DPP6: variants seen among roughly 807,000 people sequenced by gnomAD.
The protein encoded by DPP6 is dipeptidyl peptidase like 6, also known as A-type potassium channel modulatory protein DPP6.
Under a neutral mutation model 122.6 loss-of-function variants are expected in DPP6, and 69 were observed. The observed-to-expected ratio is 0.56, with a 90% confidence interval of 0.46 to 0.69. The LOEUF is 0.69. DPP6 is among the 30% of genes least tolerant of loss of function. The probability of loss-of-function intolerance (pLI) is 0.00; values close to 1 mark genes in which losing one functional copy is unlikely to be tolerated. For missense variants in DPP6, 928 were observed against 1,116.9 expected (o/e 0.83, Z 2.41); for synonymous variants, 418 against 433.1 (o/e 0.97, Z 0.43).
At chr7:154,002,878 A>G (rs1167285940) in intron 1 of DPP6, among the ~76,000 whole-genome samples, 1 of 152,194 alleles carries the variant, frequency 6.6e-6, no homozygotes, top group African/African-American at 2.4e-5. Flanking sequence ...AGAAATACGG[A>G]TGACAGGAAC....
chr7:154,007,677 C>T (rs1384646617), intron 1 of DPP6, among the ~76,000 whole-genome samples: 2 of 152,056 alleles, frequency 1.3e-5, no homozygotes, highest in African/African-American at 4.8e-5. Flanking sequence ...GACAACGCTC[C>T]CTACATCTCA....
chr7:154,201,829 A>G (rs1479648907), intron 1 of DPP6, among the ~76,000 whole-genome samples: 1 of 152,260 alleles, frequency 6.6e-6, no homozygotes, highest in East Asian at 1.9e-4. Flanking sequence ...ACCTAAACAC[A>G]TGTCCTGAAA....
chr7:153,834,867 T>C, the DPP6 span, among the ~76,000 whole-genome samples: 1 of 152,228 alleles, frequency 6.6e-6, no homozygotes, highest in Non-Finnish European at 1.5e-5. Context: ...CGGGTAAATA[T>C]AGCTGGAGCA....
At chr7:154,887,849 T>C in intron 23 of DPP6, 115 bp downstream of exon 23, 1 of 1,226,544 alleles carries the variant, frequency 8.2e-7, no homozygotes, top group East Asian at 2.3e-5. Flanking sequence ...TGCTTCTCCC[T>C]CACCAGCACC....
At chr7:153,897,904 T>G (rs943568092) in intron 1 of DPP6, among the ~76,000 whole-genome samples, 1 of 152,190 alleles carries the variant, frequency 6.6e-6, no homozygotes, top group Non-Finnish European at 1.5e-5. Flanking sequence ...GAGCCATTAG[T>G]GAACTGATAG....
intron 1 of DPP6, among the ~76,000 whole-genome samples, chr7:154,354,285 T>C (rs1811102987): frequency 6.6e-6 from 1 of 152,222 alleles, no homozygotes; most frequent in South Asian, 2.1e-4. Context: ...AGCCAACATT[T>C]CTTGAATATT....
Position 154,181,749 on chromosome 7 carries a change from C to CTT in DPP6, c.243+128704_243+128705dup, listed in dbSNP as rs57576340. ...TGCACTCATGAAAATGCATCTCCCT[C>CTT]TTTTTTTTTTTTTTTTTTTGAGACA... On this transcript the variant is annotated intron_variant, in intron 1 of 25. Coordinates refer to ENST00000377770, the MANE Select transcript of DPP6 (RefSeq NM_130797.4). Among the ~76,000 whole-genome samples, 1,047 of 134,858 alleles carry CTT rather than the reference C, an allele frequency of 7.8e-3. 35 individuals carry two copies. Among genetic ancestry groups the CTT allele is most frequent in the African/African-American group, 0.025 (903 of 36,318 alleles). The allele number at this position is 134,858 out of a possible 152,430, so 88.5% of individuals were successfully genotyped here.
chr7:154,315,066 A>T (rs965781615), intron 1 of DPP6, among the ~76,000 whole-genome samples: 1 of 152,222 alleles, frequency 6.6e-6, no homozygotes, highest in Admixed American at 6.5e-5. Context: ...TCGTTATTTA[A>T]TGAGTTGCTT....
intron 2 of DPP6, among the ~76,000 whole-genome samples, chr7:154,460,053 C>T (rs1208668005): frequency 7.3e-6 from 1 of 137,930 alleles, no homozygotes; most frequent in East Asian, 2.4e-4. Context: ...ATGATCCTAG[C>T]TCACCACAAC....
At chr7:154,173,838 G>A (rs575406538) in intron 1 of DPP6, among the ~76,000 whole-genome samples, 5 of 152,204 alleles carry the variant, frequency 3.3e-5, no homozygotes, top group Non-Finnish European at 7.3e-5. Context: ...AAACCAGTGG[G>A]ACATCCGGGG....
intron 16 of DPP6, among the ~76,000 whole-genome samples, chr7:154,820,943 C>T (rs1222071076): frequency 1.3e-5 from 2 of 152,194 alleles, no homozygotes; most frequent in African/African-American, 2.4e-5. Flanking sequence ...GGCTCAGTGG[C>T]TCATACCTGT....
intron 8 of DPP6, among the ~76,000 whole-genome samples, chr7:154,739,979 TG>T (rs1321602082): frequency 6.6e-6 from 1 of 152,228 alleles, no homozygotes; most frequent in African/African-American, 2.4e-5. Flanking sequence ...GGAAGGCTAT[TG>T]AGTATTTTAA....
At chr7:154,511,284 T>G (rs1249438797) in intron 3 of DPP6, among the ~76,000 whole-genome samples, 2 of 152,056 alleles carry the variant, frequency 1.3e-5, no homozygotes. Flanking sequence ...AGTAACCCAG[T>G]GAAGTAGGTA....
rs550843783 is a variant in DPP6 at position 154,798,162 on chromosome 7, C to G, written c.1299+2279C>G. 2.0e-5 allele frequency among the ~76,000 whole-genome samples: 3 copies of G among 152,376 alleles called. 1 individual carries two copies. In the South Asian group the frequency reaches 6.2e-4, roughly 32 times the overall value. On this transcript the variant is annotated intron_variant, in intron 12 of 25. Coordinates refer to ENST00000377770, the MANE Select transcript of DPP6 (RefSeq NM_130797.4). ...CTCACAGGGGGAGCTGGCTTCCCAG[C>G]TGGCCACCTGCAGTTCTGCCCTCTG...
chr7:154,514,793 A>G (rs941895452), intron 3 of DPP6, among the ~76,000 whole-genome samples: 1 of 152,246 alleles, frequency 6.6e-6, no homozygotes, highest in African/African-American at 2.4e-5. Context: ...ATCTGTCAAT[A>G]GAATCTTGGA....
At chr7:154,317,516 G>A (rs368323111) in intron 1 of DPP6, among the ~76,000 whole-genome samples, 4 of 152,172 alleles carry the variant, frequency 2.6e-5, no homozygotes, top group Non-Finnish European at 5.9e-5. Flanking sequence ...ATGTGTTTGC[G>A]ATGTAGATAC....
intron 1 of DPP6, among the ~76,000 whole-genome samples, chr7:153,914,527 T>C (rs945798507): frequency 9.9e-5 from 15 of 152,196 alleles, no homozygotes; most frequent in African/African-American, 3.1e-4. Flanking sequence ...AATAGCTTTA[T>C]TGAGTTATTG....
intron 8 of DPP6, among the ~76,000 whole-genome samples, chr7:154,736,346 A>C (rs1379010736): frequency 6.6e-6 from 1 of 152,244 alleles, no homozygotes; most frequent in Non-Finnish European, 1.5e-5. Context: ...GCCACTGCTC[A>C]AGCCTGTTGT....
At chr7:154,431,468 TTTCTTTTCTTTTC>T (rs1418987161) in intron 1 of DPP6, among the ~76,000 whole-genome samples, 3 of 15,194 alleles carry the variant, frequency 2.0e-4, no homozygotes, top group Non-Finnish European at 3.2e-4. Context: ...TTTCTTTTCT[TTTCTTTTCTTTTC>T]TTTTCTTTTC....
Sources: gnomAD v4.1 joint callset for allele counts (sites outside exome capture counted in the v4.1 genomes callset) on GRCh38, gnomAD v4.1.1 for gene constraint, MANE v1.5 for transcripts, NCBI Gene and HGNC (gene_info 2026-07-23, HGNC 2026-07-21) for gene names.